Variants in USP5 observed in about 807,000 individuals in gnomAD.
USP5 encodes the protein ubiquitin specific peptidase 5.
A neutral mutation model predicts 102.5 loss-of-function variants in USP5; 24 were observed. The ratio of observed to expected loss-of-function variants is 0.23; its 90% confidence interval spans 0.17 to 0.33. USP5 has a LOEUF of 0.33. Ranked by LOEUF, USP5 falls within the 10% of genes least tolerant of loss-of-function variation. The pLI is 1.00. For synonymous variants in USP5, 460 were observed against 434.8 expected (o/e 1.06, Z -0.72); for missense variants, 753 against 1,122.1 (o/e 0.67, Z 4.70).
Position 6,857,755 on chromosome 12 carries a change from C to T in USP5, c.864+32C>T, listed in dbSNP as rs369812300. 18 of 1,609,962 alleles carry T rather than the reference C, an allele frequency of 1.1e-5. No individual in the cohort carries two copies. The Middle Eastern group carries it at 6.6e-4, about 59-fold the overall frequency. ...CCCCCTTCAACTTCAGATTCTTCTACTTCCTGCCCCTGTGAGGGCCCTTCC... is the reference window on the plus strand; with the variant it reads ...CCCCCTTCAACTTCAGATTCTTCTATTTCCTGCCCCTGTGAGGGCCCTTCC... On this transcript the variant is annotated intron_variant, in intron 7 of 19. Coordinates refer to ENST00000229268, the MANE Select transcript of USP5 (RefSeq NM_001098536.2).
chr12:6,856,934 T>C lies in USP5; in HGVS notation c.769+43T>C, dbSNP rs1555128470. On this transcript the variant is annotated intron_variant, in intron 6 of 19. Transcript: ENST00000229268. This position sits in a 1 kb window ranked among gnomAD's most constrained non-coding sequence, Gnocchi z 5.6. ...CCAGCCACTCTCATGCTTAAATATA[T>C]TTCATTTGTTAGTAATTTCGTGTGA... The C allele has an allele frequency of 1.3e-6, 2 of 1,591,716 alleles. No homozygotes were observed.
At position 6,861,469 on chromosome 12, in the gene USP5, A is replaced by C. The variant is rs782594146; in HGVS notation, c.1525A>C (p.Lys509Gln). 25 of 1,584,810 alleles carry C rather than the reference A, an allele frequency of 1.6e-5. No homozygotes were observed. The highest frequency in any genetic ancestry group is 2.1e-5 in the Non-Finnish European group (24 of 1,159,288). ...GGAGCTTCTGGAGTACGAGGAGAAG[A>C]AGCGGCAAGCCGAAGAGGAGAAGAT... ...KEELLEYEEK[K>Q]RQAEEEKMAL... is the part of the protein sequence containing the mutation. Residue 509 changes from lysine to glutamine, a missense_variant, in exon 13 of 20, where the codon AAG becomes CAG. Coordinates refer to ENST00000229268, the MANE Select transcript of USP5 (RefSeq NM_001098536.2). This position sits in a 1 kb window ranked among gnomAD's most constrained non-coding sequence, Gnocchi z 4.9.
In USP5 at chr12:6,863,090, C is replaced by A; in HGVS notation, c.1763-96C>A. 7.9e-7 allele frequency: 1 copy of A among 1,265,232 alleles called. No individual in the cohort carries two copies. Among genetic ancestry groups the A allele is most frequent in the Non-Finnish European group, 1.1e-6 (1 of 931,514 alleles). 78.4% of individuals were successfully genotyped at this position (1,265,232 alleles called of 1,614,324 possible). ...CCGTGCTTTTAGCAGCTCCTCTTTACAGAGCAGTTCTGACATAGGGGGCAG... is the reference window on the plus strand; with the variant it reads ...CCGTGCTTTTAGCAGCTCCTCTTTAAAGAGCAGTTCTGACATAGGGGGCAG... On this transcript the variant is annotated intron_variant, in intron 14 of 19. Coordinates refer to ENST00000229268, the MANE Select transcript of USP5 (RefSeq NM_001098536.2). The surrounding 1 kb of genome is among the most constrained non-coding windows in gnomAD (Gnocchi z 4.7).
chr12:6,865,022 A>G (rs1944393759), intron 18 of USP5, 142 bp from the exon 19 acceptor site: 1 of 1,328,684 alleles, frequency 7.5e-7, no homozygotes, highest in Non-Finnish European at 1.0e-6. Flanking sequence ...GTTCTCTGAC[A>G]TGGAGACAGG....
Position 6,862,559 on chromosome 12 carries a change from G to A in USP5, c.1762+1G>A. The A allele has an allele frequency of 6.2e-7, 1 of 1,613,880 alleles. No homozygotes were observed. On this transcript the variant is annotated splice_donor_variant, in intron 14 of 19. Coordinates refer to ENST00000229268, the MANE Select transcript of USP5 (RefSeq NM_001098536.2). LOFTEE classifies it high-confidence loss of function. ...TTAGACTGGGTGCCCAAGAAACTGG[G>A]TATGGCTGCTGGAATGAGGGAGGTT...
Position 6,856,673 on chromosome 12 carries a change from C to T in USP5, c.585-34C>T. 1.2e-6 allele frequency: 2 copies of T among 1,610,314 alleles called. No homozygotes were observed. The highest frequency in any genetic ancestry group is 2.2e-5 in the South Asian group (2 of 90,994). On this transcript the variant is annotated intron_variant, in intron 5 of 19. Coordinates refer to ENST00000229268, the MANE Select transcript of USP5 (RefSeq NM_001098536.2). This position sits in a 1 kb window ranked among gnomAD's most constrained non-coding sequence, Gnocchi z 5.6. The stretch of plus-strand genomic sequence containing the variant: ...CTGCCACTCCCTCAAATCCCCGACC[C>T]ACATTTCTGCTGATTCTCTTCTCTG...
At position 6,860,626 on chromosome 12, in the gene USP5, C is replaced by A; in HGVS notation, c.1344+135C>A. 1 of 1,452,354 alleles carries A rather than the reference C, an allele frequency of 6.9e-7. No homozygotes were observed. The highest frequency in any genetic ancestry group is 9.3e-7 in the Non-Finnish European group (1 of 1,071,524). The allele number at this position is 1,452,354 out of a possible 1,614,324, so 90.0% of individuals were successfully genotyped here. On this transcript the variant is annotated intron_variant, in intron 11 of 19. Coordinates refer to ENST00000229268, the MANE Select transcript of USP5 (RefSeq NM_001098536.2). This position sits in a 1 kb window ranked among gnomAD's most constrained non-coding sequence, Gnocchi z 5.5. ...ACAGTCTGTGTCCCTGTGAACAGTG[C>A]TTGCACCTGAGGAGGACAGTGAAGG...
At chr12:6,857,227 T>C (rs1555128535) in intron 6 of USP5, among the ~76,000 whole-genome samples, 2 of 151,990 alleles carry the variant, frequency 1.3e-5, no homozygotes, top group African/African-American at 4.8e-5. Flanking sequence ...ACCCGGGAGG[T>C]TGAGGCTGCA....
chr12:6,863,295 G>A lies in USP5; in HGVS notation c.1872G>A (p.Pro624=), dbSNP rs1199277549. ...ACATTGCCCCACCCCTGGTCACTCC[G>A]GATGAGCCCAAAGGTAGCCTTGGTT... ...LPDIAPPLVT[P]DEPKGSLGFY... is the part of the protein sequence containing the mutation. Residue 624 remains proline, a synonymous_variant, in exon 15 of 20, where the codon CCG becomes CCA. Transcript: ENST00000229268. The surrounding 1 kb of genome is among the most constrained non-coding windows in gnomAD (Gnocchi z 4.7). The A allele has an allele frequency of 8.1e-6, 13 of 1,614,072 alleles. No individual in the cohort carries two copies. The highest frequency in any genetic ancestry group is 5.0e-5 in the Admixed American group (3 of 60,000).
Position 6,860,604 on chromosome 12 carries a change from G to A in USP5, c.1344+113G>A. 1 of 1,533,766 alleles carries A rather than the reference G, an allele frequency of 6.5e-7. No homozygotes were observed. ...CCAGTCCCATCCCTGAACCCCAACA[G>A]TCTGTGTCCCTGTGAACAGTGCTTG... On this transcript the variant is annotated intron_variant, in intron 11 of 19. Coordinates refer to ENST00000229268, the MANE Select transcript of USP5 (RefSeq NM_001098536.2). The surrounding 1 kb of genome is among the most constrained non-coding windows in gnomAD (Gnocchi z 5.5).
chr12:6,854,764 A>G (rs1003745043), intron 1 of USP5, among the ~76,000 whole-genome samples: 1 of 145,862 alleles, frequency 6.9e-6, no homozygotes, highest in African/African-American at 2.5e-5. Flanking sequence ...CTAAAATAAA[A>G]TTTTTTTTTT....
At position 6,860,270 on chromosome 12, in the gene USP5, T is replaced by C; in HGVS notation, c.1218+32T>C. The C allele has an allele frequency of 1.2e-6, 2 of 1,610,754 alleles. No homozygotes were observed. Among genetic ancestry groups the C allele is most frequent in the East Asian group, 2.2e-5 (1 of 44,810 alleles). ...CTAGGACCCTGTCCCTTTCAGGCCC[T>C]GGGATTGTGGGGAAGCTGAGGTCTG... On this transcript the variant is annotated intron_variant, in intron 10 of 19. Coordinates refer to ENST00000229268, the MANE Select transcript of USP5 (RefSeq NM_001098536.2). This position sits in a 1 kb window ranked among gnomAD's most constrained non-coding sequence, Gnocchi z 5.5.
chr12:6,864,291 T>A lies in USP5; in HGVS notation c.2244+96T>A. On this transcript the variant is annotated intron_variant, in intron 17 of 19. Transcript: ENST00000229268. This position sits in a 1 kb window ranked among gnomAD's most constrained non-coding sequence, Gnocchi z 4.8. Reference sequence around the variant, plus strand: ...CTTGAGCAAGACCAAAGACAACAGGTGTGGTCTGGCCGAGGTTGGGCACCA... The same window carrying A: ...CTTGAGCAAGACCAAAGACAACAGGAGTGGTCTGGCCGAGGTTGGGCACCA... 6.8e-7 allele frequency: 1 copy of A among 1,471,128 alleles called. No homozygotes were observed. The highest frequency in any genetic ancestry group is 1.4e-5 in the South Asian group (1 of 71,702). 91.1% of individuals were successfully genotyped at this position (1,471,128 alleles called of 1,614,324 possible).
intron 14 of USP5, 151 bp downstream of exon 14, chr12:6,862,709 T>A: frequency 1.5e-6 from 1 of 655,418 alleles, no homozygotes; most frequent in Non-Finnish European, 2.6e-6. Flanking sequence ...TTGAAAGCAC[T>A]AACTAAAAAT....
At chr12:6,865,290 G>T in intron 19 of USP5, 42 bp downstream of exon 19, 1 of 1,576,710 alleles carries the variant, frequency 6.3e-7, no homozygotes, top group South Asian at 1.1e-5. Flanking sequence ...GAATGGTGGT[G>T]GGAATGAGGA....
intron 19 of USP5, 97 bp downstream of exon 19, chr12:6,865,345 G>C: frequency 9.0e-7 from 1 of 1,116,128 alleles, no homozygotes; most frequent in Non-Finnish European, 1.3e-6. Flanking sequence ...GAAGGTGAAG[G>C]GACTGCCTGA....
At position 6,862,461 on chromosome 12, in the gene USP5, C is replaced by T. The variant is rs782195671; in HGVS notation, c.1674-9C>T. On this transcript the variant is annotated splice_polypyrimidine_tract_variant and intron_variant, in intron 13 of 19. Coordinates refer to ENST00000229268, the MANE Select transcript of USP5 (RefSeq NM_001098536.2). ...TTGTCTGGGTACCAGCACAGTCTCT[C>T]TTCCCTAGGACCACACGATTTGCCT... is the stretch of plus-strand genomic sequence containing the variant. 6 of 1,613,296 alleles carry T rather than the reference C, an allele frequency of 3.7e-6. No individual in the cohort carries two copies. In the East Asian group the frequency reaches 1.3e-4, roughly 36 times the overall value.
intron 6 of USP5, chr12:6,857,272 G>T: frequency 3.1e-6 from 1 of 326,458 alleles, no homozygotes; most frequent in Non-Finnish European, 5.7e-6. Flanking sequence ...CTCCAGCCTG[G>T]GCTACAGAGA....
intron 1 of USP5, among the ~76,000 whole-genome samples, chr12:6,853,993 C>T (rs1474067070): frequency 2.0e-5 from 3 of 152,328 alleles, no homozygotes; most frequent in African/African-American, 7.2e-5. Flanking sequence ...TGTTGTTGCT[C>T]AAAGCCTTGG....
Sources: allele counts gnomAD v4.1 joint callset (sites outside exome capture counted in the v4.1 genomes callset), GRCh38; gene constraint gnomAD v4.1.1; non-coding constraint Gnocchi (gnomAD v3.1); transcripts MANE v1.5; gene names NCBI Gene and HGNC (gene_info 2026-07-23, HGNC 2026-07-21).